Variants in CDKN2B-AS1 observed in about 807,000 individuals in gnomAD.
CDKN2B-AS1 encodes the protein CDKN2B antisense RNA 1 (non-protein coding).
intron 4 of CDKN2B-AS1, among the ~76,000 whole-genome samples, chr9:22,065,071 A>G (rs1449218034): frequency 1.3e-5 from 2 of 152,206 alleles, no homozygotes; most frequent in Admixed American, 6.5e-5. Flanking sequence ...AACAAAGCCA[A>G]GATTCTATTT....
intron 1 of CDKN2B-AS1, chr9:22,030,236 T>G (rs1300454601): frequency 2.0e-5 from 3 of 152,170 alleles, no homozygotes; most frequent in African/African-American, 7.2e-5. Context: ...GATTTCAGCT[T>G]TTTGCTTGTA....
chr9:22,079,373 G>A (rs868528054), intron 4 of CDKN2B-AS1, among the ~76,000 whole-genome samples: 6 of 152,056 alleles, frequency 3.9e-5, no homozygotes, highest in Middle Eastern at 3.4e-3. Flanking sequence ...CTGTAGTTCC[G>A]GCTACTCGGG....
intron 4 of CDKN2B-AS1, among the ~76,000 whole-genome samples, chr9:22,112,733 A>G (rs1825833617): frequency 6.6e-6 from 1 of 152,208 alleles, no homozygotes; most frequent in Non-Finnish European, 1.5e-5. Context: ...ATTTAATCTT[A>G]TAATAATTTC....
At chr9:22,120,344 T>C (rs982946866) in intron 4 of CDKN2B-AS1, 1 of 152,232 alleles carries the variant, frequency 6.6e-6, no homozygotes, top group Non-Finnish European at 1.5e-5. Context: ...TCAGATTAAA[T>C]GATTTTTAAA....
intron 4 of CDKN2B-AS1, among the ~76,000 whole-genome samples, chr9:22,072,996 G>T (rs756300476): frequency 1.3e-5 from 2 of 152,086 alleles, no homozygotes; most frequent in Non-Finnish European, 2.9e-5. Flanking sequence ...TGCTATTATG[G>T]CACAATTGAT....
intron 1 of CDKN2B-AS1, among the ~76,000 whole-genome samples, chr9:22,013,485 C>A (rs1821603241): frequency 6.6e-6 from 1 of 152,008 alleles, no homozygotes; most frequent in African/African-American, 2.4e-5. Context: ...TTTCATTCAC[C>A]TTGTCGACCA....
At chr9:22,083,847 C>G (rs1439082312) in intron 4 of CDKN2B-AS1, among the ~76,000 whole-genome samples, 1 of 152,096 alleles carries the variant, frequency 6.6e-6, no homozygotes, top group Non-Finnish European at 1.5e-5. Flanking sequence ...GAACAGAGGT[C>G]AAGGCTGTAG....
intron 1 of CDKN2B-AS1, among the ~76,000 whole-genome samples, chr9:22,033,793 G>A (rs1343635457): frequency 1.3e-5 from 2 of 152,146 alleles, no homozygotes; most frequent in East Asian, 1.9e-4. Context: ...AATAACGCTG[G>A]TGTTTGCCAT....
chr9:22,029,690 T>C (rs1587426782), intron 1 of CDKN2B-AS1: 1 of 451,902 alleles, frequency 2.2e-6, no homozygotes, highest in Admixed American at 3.9e-5. Flanking sequence ...CTTTACATTA[T>C]TAGAAAATAT....
At chr9:22,091,698 G>T (rs912126274) in intron 4 of CDKN2B-AS1, among the ~76,000 whole-genome samples, 2 of 152,164 alleles carry the variant, frequency 1.3e-5, no homozygotes, top group Admixed American at 6.5e-5. Context: ...TGCTGAAGTT[G>T]CTTATCAGCT....
At chr9:22,052,225 G>A (rs781715484) in intron 3 of CDKN2B-AS1, among the ~76,000 whole-genome samples, 14 of 152,142 alleles carry the variant, frequency 9.2e-5, no homozygotes, top group Admixed American at 3.3e-4. Context: ...TTCGAGGCTG[G>A]ATGGGGGGCT....
chr9:22,041,518 A>G (rs2131264998), intron 1 of CDKN2B-AS1, among the ~76,000 whole-genome samples: 1 of 152,218 alleles, frequency 6.6e-6, no homozygotes, highest in African/African-American at 2.4e-5. Context: ...AGGAAAACAT[A>G]TAAAAGGGAA....
chr9:22,032,413 A>G (rs1364339359), intron 1 of CDKN2B-AS1, among the ~76,000 whole-genome samples: 1 of 152,122 alleles, frequency 6.6e-6, no homozygotes. Flanking sequence ...TGGAAACACA[A>G]AAGCAATGTC....
intron 1 of CDKN2B-AS1, chr9:22,008,684 A>G (rs1297138530): frequency 5.0e-6 from 8 of 1,609,858 alleles, no homozygotes; most frequent in South Asian, 2.2e-5. Context: ...CCTCCGGCCA[A>G]CGGAGACTCC....
rs1051059655 is a variant in CDKN2B-AS1, at chr9:22,090,655, A to G, written n.438+34268A>G. Among the ~76,000 whole-genome samples, 10 of 151,160 alleles carry G rather than the reference A, an allele frequency of 6.6e-5. No homozygotes were observed. The East Asian group carries it at 1.4e-3, about 20-fold the overall frequency. On this transcript the variant is annotated intron_variant and non_coding_transcript_variant, in intron 4 of 4. Transcript: ENST00000650946. Reference sequence around the variant, plus strand: ...TGAGAAGTGTCTGTTCATATCCTTCACCCACTTTTTGATGGGGCTGTTTTT... The same window carrying G: ...TGAGAAGTGTCTGTTCATATCCTTCGCCCACTTTTTGATGGGGCTGTTTTT...
intron 4 of CDKN2B-AS1, among the ~76,000 whole-genome samples, chr9:22,079,393 C>A (rs1824616074): frequency 6.6e-6 from 1 of 151,608 alleles, no homozygotes; most frequent in Non-Finnish European, 1.5e-5. Flanking sequence ...GAGGCTGAGG[C>A]AGGAGACTTG....
chr9:22,093,529 G>A (rs1009495063), intron 4 of CDKN2B-AS1, among the ~76,000 whole-genome samples: 2 of 127,910 alleles, frequency 1.6e-5, no homozygotes, highest in Non-Finnish European at 3.1e-5. Flanking sequence ...ACAGATTTAG[G>A]ATAGTTAGCT....
chr9:22,029,768 T>C (rs980648307), intron 1 of CDKN2B-AS1: 1 of 356,854 alleles, frequency 2.8e-6, no homozygotes, highest in Non-Finnish European at 5.0e-6. Context: ...TGACAGTTTA[T>C]TTTATCTTGT....
chr9:22,008,536 A>G, intron 1 of CDKN2B-AS1: 1 of 839,378 alleles, frequency 1.2e-6, no homozygotes, highest in South Asian at 1.9e-5. Flanking sequence ...TTTCTCCCCA[A>G]TTCAGTCTAT....
Sources: allele counts gnomAD v4.1 joint callset (sites outside exome capture counted in the v4.1 genomes callset), GRCh38; gene constraint gnomAD v4.1.1; transcripts MANE v1.5; gene names NCBI Gene and HGNC (gene_info 2026-07-23, HGNC 2026-07-21).